The following NKAIN2 variants were observed in gnomAD, a reference collection of about 807,000 sequenced individuals.
The protein encoded by NKAIN2 is sodium/potassium transporting ATPase interacting 2.
Under a neutral mutation model 32.6 loss-of-function variants are expected in NKAIN2, and 14 were observed. The observed-to-expected ratio is 0.43, with a 90% CI of 0.28 to 0.67. The LOEUF (loss-of-function observed/expected upper bound fraction) is 0.67. Among genes scored for constraint, NKAIN2 ranks in the 30% least tolerant of loss-of-function variants. The pLI is 0.17. For synonymous variants in NKAIN2, 80 were observed against 87.2 expected (o/e 0.92, Z 0.46); for missense variants, 198 against 258.3 (o/e 0.77, Z 1.60).
chr6:123,836,331 C>A (rs545449029), intron 1 of NKAIN2, among the ~76,000 whole-genome samples: 222 of 152,054 alleles, frequency 1.5e-3, no homozygotes, highest in African/African-American at 5.3e-3. Context: ...GCAGTAAGAA[C>A]CTTAACCAAA....
At chr6:123,949,422 C>G (rs947745643) in intron 1 of NKAIN2, among the ~76,000 whole-genome samples, 12 of 152,002 alleles carry the variant, frequency 7.9e-5, no homozygotes, top group African/African-American at 2.9e-4. Context: ...TTTAATCCTT[C>G]TGATCCGTGA....
chr6:123,956,249 A>T (rs1777584965), intron 1 of NKAIN2, among the ~76,000 whole-genome samples: 1 of 152,224 alleles, frequency 6.6e-6, no homozygotes, highest in Non-Finnish European at 1.5e-5. Context: ...ATCTGTTCTG[A>T]AAGATCTGCA....
chr6:124,001,688 T>C (rs1371488093), intron 1 of NKAIN2, among the ~76,000 whole-genome samples: 1 of 151,382 alleles, frequency 6.6e-6, no homozygotes, highest in Non-Finnish European at 1.5e-5. Context: ...TAAATAATTG[T>C]TTTGTTTAGA....
chr6:124,451,657 C>A (rs1776113039), intron 3 of NKAIN2, among the ~76,000 whole-genome samples: 1 of 151,976 alleles, frequency 6.6e-6, no homozygotes, highest in South Asian at 2.1e-4. Flanking sequence ...GTGCGAAGAG[C>A]CTTAGAAAGA....
chr6:123,904,227 G>A (rs1302915758), intron 1 of NKAIN2, among the ~76,000 whole-genome samples: 2 of 150,644 alleles, frequency 1.3e-5, no homozygotes, highest in Non-Finnish European at 3.0e-5. Flanking sequence ...GTGAAACTCT[G>A]CTTAAAAAAA....
chr6:124,197,276 T>C (rs1052337087), intron 1 of NKAIN2, among the ~76,000 whole-genome samples: 4 of 152,084 alleles, frequency 2.6e-5, no homozygotes, highest in African/African-American at 9.7e-5. Context: ...TTCTTCTTTT[T>C]TTTTCTCTTC....
intron 1 of NKAIN2, among the ~76,000 whole-genome samples, chr6:123,900,027 A>C (rs1774482868): frequency 6.6e-6 from 1 of 152,176 alleles, no homozygotes; most frequent in Non-Finnish European, 1.5e-5. Flanking sequence ...TGGAACCCTC[A>C]ACCCAATGGT....
chr6:124,260,412 A>T (rs940988808), intron 1 of NKAIN2, among the ~76,000 whole-genome samples: 1 of 152,232 alleles, frequency 6.6e-6, no homozygotes, highest in Admixed American at 6.6e-5. Context: ...AGTGACCAGG[A>T]TAACTTTTGA....
intron 3 of NKAIN2, among the ~76,000 whole-genome samples, chr6:124,567,499 G>T (rs1014783372): frequency 1.3e-5 from 2 of 152,156 alleles, no homozygotes; most frequent in Admixed American, 6.5e-5. Context: ...TGTGAGCTCC[G>T]TGAGGGTAGG....
chr6:124,004,405 C>T (rs1779992923), intron 1 of NKAIN2, among the ~76,000 whole-genome samples: 1 of 151,384 alleles, frequency 6.6e-6, no homozygotes, highest in African/African-American at 2.4e-5. Context: ...TCATAAAATG[C>T]TGAGGAGAGA....
chr6:124,630,741 A>G (rs1415400395), intron 3 of NKAIN2, among the ~76,000 whole-genome samples: 2 of 151,746 alleles, frequency 1.3e-5, no homozygotes, highest in Non-Finnish European at 2.9e-5. Context: ...CTCTTTATGG[A>G]AAATGATTAA....
intron 1 of NKAIN2, among the ~76,000 whole-genome samples, chr6:124,278,638 A>G (rs1795145944): frequency 7.4e-6 from 1 of 134,360 alleles, no homozygotes; most frequent in African/African-American, 2.8e-5. Flanking sequence ...ACAAACACAC[A>G]TATACATAGC....
intron 1 of NKAIN2, among the ~76,000 whole-genome samples, chr6:124,135,920 C>T (rs1786759637): frequency 1.3e-5 from 2 of 151,818 alleles, no homozygotes; most frequent in South Asian, 4.2e-4. Context: ...ATGCCTACAT[C>T]AAAAAGTCTG....
intron 1 of NKAIN2, among the ~76,000 whole-genome samples, chr6:123,836,483 T>A (rs1774629193): frequency 6.6e-6 from 1 of 151,788 alleles, no homozygotes; most frequent in African/African-American, 2.4e-5. Context: ...AAACAGGAGG[T>A]AAAACCAAAC....
intron 3 of NKAIN2, among the ~76,000 whole-genome samples, chr6:124,532,290 C>G (rs1779553892): frequency 1.3e-5 from 2 of 152,082 alleles, no homozygotes; most frequent in South Asian, 4.2e-4. Flanking sequence ...GGAGTGTTCA[C>G]TCTCCTGTTC....
chr6:124,481,311 G>T (rs916129744), intron 3 of NKAIN2, among the ~76,000 whole-genome samples: 12 of 151,642 alleles, frequency 7.9e-5, no homozygotes, highest in African/African-American at 2.9e-4. Context: ...AATACCCTTG[G>T]GTCCCAGATG....
chr6:124,530,695 C>T (rs947522955), intron 3 of NKAIN2, among the ~76,000 whole-genome samples: 9 of 152,110 alleles, frequency 5.9e-5, no homozygotes, highest in Admixed American at 1.3e-4. Context: ...GTAATTTAGT[C>T]TTAGTTTGAA....
Position 124,741,202 on chromosome 6 carries a change from AC to A in NKAIN2, c.475-50136del, listed in dbSNP as rs553508898. On this transcript the variant is annotated intron_variant, in intron 4 of 6. Transcript: ENST00000368417. ...GTTGAACATATTAAGTTAGATGTCT[AC>A]TATACAACCAAGCAGAAATGCCAAT... Among the ~76,000 whole-genome samples, 568 of 151,606 alleles carry A rather than the reference AC, an allele frequency of 3.7e-3. 5 individuals carry two copies. Among genetic ancestry groups the A allele is most frequent in the African/African-American group, 0.013 (541 of 41,392 alleles).
At chr6:124,466,414 A>G (rs1339258418) in intron 3 of NKAIN2, among the ~76,000 whole-genome samples, 1 of 152,072 alleles carries the variant, frequency 6.6e-6, no homozygotes, top group Admixed American at 6.6e-5. Flanking sequence ...GATAGTGTTC[A>G]GTTGTTATAA....
Sources: allele counts gnomAD v4.1 joint callset (sites outside exome capture counted in the v4.1 genomes callset), GRCh38; gene constraint gnomAD v4.1.1; transcripts MANE v1.5; gene names NCBI Gene and HGNC (gene_info 2026-07-23, HGNC 2026-07-21).